Variants in ACSL4 observed in about 807,000 individuals in gnomAD.
ACSL4 encodes long-chain-fatty-acid--CoA ligase 4.
ACSL4 carries 9 observed loss-of-function variants against 49.1 expected under a neutral mutation model. That is an observed-to-expected ratio of 0.18 (90% confidence interval 0.11 to 0.32). ACSL4 has a LOEUF of 0.32. Ranked by LOEUF, ACSL4 falls within the 10% of genes least tolerant of loss-of-function variation. ACSL4 has a pLI of 1.00. For missense variants in ACSL4, 333 were observed against 493.7 expected, an observed-to-expected ratio of 0.67 and a Z score of 3.08; for synonymous variants, 191 against 170.3, an observed-to-expected ratio of 1.12 and a Z score of -0.95.
intron 11 of ACSL4, among the ~76,000 whole-genome samples, chrX:109,667,271 G>T (rs1922739107): frequency 8.9e-6 from 1 of 112,486 alleles, no homozygotes; most frequent in African/African-American, 3.2e-5. Context: ...AATGTTTGGG[G>T]ATATGTTTCA....
chrX:109,652,273 T>C (rs968396606), intron 15 of ACSL4, among the ~76,000 whole-genome samples: 2 of 112,085 alleles, frequency 1.8e-5, no homozygotes, highest in Non-Finnish European at 3.8e-5. Context: ...ATTTGCAAAA[T>C]GTTGGCAAGA....
At chrX:109,719,659 G>T (rs1268062226) in intron 1 of ACSL4, among the ~76,000 whole-genome samples, 2 of 112,315 alleles carry the variant, frequency 1.8e-5, no homozygotes, top group South Asian at 3.7e-4. Flanking sequence ...CACCTATAAT[G>T]AAGTCAATTC....
rs1922336757 is a variant in ACSL4 at position 109,663,386 on chromosome X, A to G, written c.1407T>C (p.Asn469=). The part of the protein sequence containing the change: ...KDWQEGGYTI[N]DKPNPRGEIV... Reference sequence around the variant, plus strand: ...TTTCACCTCTGGGGTTTGGCTTGTCATTAATTGTATAACCGCCTGGAAATC... The same window carrying G: ...TTTCACCTCTGGGGTTTGGCTTGTCGTTAATTGTATAACCGCCTGGAAATC... Residue 469 remains asparagine (N), a synonymous_variant, in exon 13 of 16, where the codon AAT becomes AAC. Transcript: ENST00000672401. 1 of 1,206,716 alleles carries G rather than the reference A, an allele frequency of 8.3e-7. No individual in the cohort carries two copies. The highest frequency in any genetic ancestry group is 1.1e-6 in the Non-Finnish European group (1 of 892,218).
At chrX:109,684,185 ATT>A (rs1204310848) in intron 2 of ACSL4, among the ~76,000 whole-genome samples, 1 of 112,368 alleles carries the variant, frequency 8.9e-6, no homozygotes, top group Non-Finnish European at 1.9e-5. Context: ...TGAGTTCTTC[ATT>A]AAGGTAAATT....
At chrX:109,692,719 C>T (rs1311794081) in intron 2 of ACSL4, among the ~76,000 whole-genome samples, 4 of 111,993 alleles carry the variant, frequency 3.6e-5, no homozygotes, top group Non-Finnish European at 7.5e-5. Flanking sequence ...TACCACAGTG[C>T]AGACTTTTAT....
intron 8 of ACSL4, among the ~76,000 whole-genome samples, chrX:109,675,155 C>T (rs1569425914): frequency 8.9e-6 from 1 of 112,781 alleles, no homozygotes; most frequent in Non-Finnish European, 1.9e-5. Context: ...AAACCATGTA[C>T]ACCACACACA....
At chrX:109,716,219 T>C (rs1426254566) in intron 1 of ACSL4, among the ~76,000 whole-genome samples, 2 of 111,564 alleles carry the variant, frequency 1.8e-5, no homozygotes, top group Non-Finnish European at 3.8e-5. Context: ...GACATGTAGG[T>C]AGAATAGGAA....
At chrX:109,687,753 C>G (rs1924727485) in intron 2 of ACSL4, among the ~76,000 whole-genome samples, 1 of 112,040 alleles carries the variant, frequency 8.9e-6, no homozygotes, top group Non-Finnish European at 1.9e-5. Flanking sequence ...ATATTAGTGG[C>G]TTCATCTGTA....
At chrX:109,647,309 T>G (rs1384647021) in intron 15 of ACSL4, among the ~76,000 whole-genome samples, 1 of 111,541 alleles carries the variant, frequency 9.0e-6, no homozygotes, top group East Asian at 2.8e-4. Flanking sequence ...AGAACAGAAA[T>G]TATAACAAAC....
At chrX:109,645,147 G>T (rs1934610324) in intron 15 of ACSL4, among the ~76,000 whole-genome samples, 2 of 113,404 alleles carry the variant, frequency 1.8e-5, no homozygotes, top group Admixed American at 1.8e-4. Flanking sequence ...CAGCTGGGAA[G>T]CTCCAACTGG....
chrX:109,690,324 T>C (rs757077001), intron 2 of ACSL4, among the ~76,000 whole-genome samples: 1 of 112,149 alleles, frequency 8.9e-6, no homozygotes, highest in East Asian at 2.8e-4. Context: ...TGAAATCATG[T>C]ATTTGTATGT....
intron 14 of ACSL4, among the ~76,000 whole-genome samples, chrX:109,660,523 C>T (rs1284111625): frequency 1.8e-5 from 2 of 111,659 alleles, no homozygotes; most frequent in Non-Finnish European, 3.8e-5. Flanking sequence ...AACAGTATTG[C>T]AGTTCCTTAA....
At chrX:109,690,287 G>A in intron 2 of ACSL4, among the ~76,000 whole-genome samples, 1 of 112,177 alleles carries the variant, frequency 8.9e-6, no homozygotes, top group Non-Finnish European at 1.9e-5. Context: ...ATCATTAGGA[G>A]GACATGAACT....
At chrX:109,645,452 G>A (rs1047842526) in intron 15 of ACSL4, among the ~76,000 whole-genome samples, 1 of 112,049 alleles carries the variant, frequency 8.9e-6, no homozygotes, top group African/African-American at 3.2e-5. Context: ...CAGACCTGCA[G>A]CTGAGGGTCC....
rs776382181 is a variant in ACSL4, at chrX:109,726,996, C to T, written c.-66+6143G>A. Among the ~76,000 whole-genome samples, 20 of 110,978 alleles carry T rather than the reference C, an allele frequency of 1.8e-4. No individual in the cohort carries two copies. In the East Asian group the frequency reaches 4.2e-3, roughly 23 times the overall value. On this transcript the variant is annotated intron_variant, in intron 1 of 15. Coordinates refer to ENST00000672401, the MANE Select transcript of ACSL4 (RefSeq NM_001318510.2). The stretch of plus-strand genomic sequence containing the variant: ...CCTCCCAAAGTGCTGGGATTATAGG[C>T]GTGAGCTGCAGTGCCCGGCCATCAC...
chrX:109,653,620 C>T (rs1921357337), intron 15 of ACSL4, among the ~76,000 whole-genome samples: 1 of 110,538 alleles, frequency 9.0e-6, no homozygotes, highest in Non-Finnish European at 1.9e-5. Flanking sequence ...GAATACTATG[C>T]AGCCATAAAA....
chrX:109,696,159 C>CT lies in ACSL4; in HGVS notation c.-29dup, dbSNP rs1276796435. The CT allele has an allele frequency of 8.9e-6, 1 of 112,365 alleles. No individual in the cohort carries two copies. Among genetic ancestry groups the CT allele is most frequent in the Non-Finnish European group, 1.9e-5 (1 of 53,293 alleles). 9.3% of individuals were successfully genotyped at this position (112,365 alleles called of 1,213,427 possible). A position where few individuals can be genotyped will look rare whatever the true frequency, so the allele number is the denominator to read the frequency against. On this transcript the variant is annotated 5_prime_UTR_variant, in exon 2 of 16. Transcript: ENST00000672401. ...AAATACTTACAAATGTCCTCTTTTTCTCTTAAGAAGAACACGAATATCTTC... is the reference window on the plus strand; with the variant it reads ...AAATACTTACAAATGTCCTCTTTTTCTTCTTAAGAAGAACACGAATATCTTC...
chrX:109,673,285 C>G (rs1386571786), intron 9 of ACSL4, among the ~76,000 whole-genome samples: 1 of 111,621 alleles, frequency 9.0e-6, no homozygotes, highest in African/African-American at 3.3e-5. Context: ...TGGTAGAGTT[C>G]AAACTTTGAT....
At chrX:109,650,241 G>A (rs913129351) in intron 15 of ACSL4, among the ~76,000 whole-genome samples, 7 of 110,790 alleles carry the variant, frequency 6.3e-5, no homozygotes, top group East Asian at 5.6e-4. Context: ...TGTTTACTGC[G>A]GCATTATTCA....
Sources: gnomAD v4.1 joint callset for allele counts (sites outside exome capture counted in the v4.1 genomes callset) on GRCh38, gnomAD v4.1.1 for gene constraint, MANE v1.5 for transcripts, NCBI Gene and HGNC (gene_info 2026-07-23, HGNC 2026-07-21) for gene names.